The following KLF9 variants were observed in gnomAD, a reference collection of about 807,000 sequenced individuals.
KLF9 encodes the protein KLF transcription factor 9.
In KLF9, 2 loss-of-function variants were observed where a neutral mutation model predicts 17.3. That is an observed-to-expected ratio of 0.12 (90% CI 0.05 to 0.36). KLF9 has a LOEUF of 0.36. Among genes scored for constraint, KLF9 ranks in the 10% least tolerant of loss-of-function variants. KLF9 has a pLI of 1.00. For synonymous variants in KLF9, 138 were observed against 139.2 expected (o/e 0.99, Z 0.06); for missense variants, 226 against 333.2 (o/e 0.68, Z 2.51).
Position 70,413,873 on chromosome 9 carries a change from A to T in KLF9, c.-510T>A, listed in dbSNP as rs953061733. On this transcript the variant is annotated 5_prime_UTR_variant, in exon 1 of 2. Coordinates refer to ENST00000377126, the MANE Select transcript of KLF9 (RefSeq NM_001206.4). The surrounding 1 kb of genome is among the most constrained non-coding windows in gnomAD (Gnocchi z 5.6). ...GGTCCCGCCGAGCGCCAGGTCTAAG[A>T]GACACTTTTTCCCGAGTCCACTGAC... The T allele has an allele frequency of 6.5e-6, 1 of 152,678 alleles. No individual in the cohort carries two copies. The highest frequency in any genetic ancestry group is 1.9e-4 in the East Asian group (1 of 5,162). 9.5% of individuals were successfully genotyped at this position (152,678 alleles called of 1,614,324 possible).
Position 70,387,457 on chromosome 9 carries a change from C to CCCCCCAAAA in KLF9, c.*318_*319insTTTTGGGGG. ...CCCACCCACTCCCTACCCTCCCCCG[C>CCCCCCAAAA]AAAAAAATAAAAGGAGAAAAAAAAA... On this transcript the variant is annotated 3_prime_UTR_variant, in exon 2 of 2. Coordinates refer to ENST00000377126, the MANE Select transcript of KLF9 (RefSeq NM_001206.4). 1.8e-5 allele frequency: 3 copies of CCCCCCAAAA among 170,194 alleles called. No homozygotes were observed. Among genetic ancestry groups the CCCCCCAAAA allele is most frequent in the South Asian group, 2.5e-4 (2 of 7,960 alleles). The allele number at this position is 170,194 out of a possible 1,614,324, so 10.5% of individuals were successfully genotyped here.
chr9:70,388,627 A>G (rs2037131085), intron 1 of KLF9, among the ~76,000 whole-genome samples: 1 of 152,084 alleles, frequency 6.6e-6, no homozygotes, highest in African/African-American at 2.4e-5. Context: ...AAAAAAGCTG[A>G]GCCTTTTTGC....
At position 70,384,846 on chromosome 9, in the gene KLF9, A is replaced by AATCT. The variant is rs2037098673; in HGVS notation, c.*2926_*2929dup. The AATCT allele has an allele frequency of 6.5e-6, 1 of 152,756 alleles. No individual in the cohort carries two copies. The highest frequency in any genetic ancestry group is 2.1e-4 in the South Asian group (1 of 4,832). 9.5% of individuals were successfully genotyped at this position (152,756 alleles called of 1,614,324 possible). On this transcript the variant is annotated 3_prime_UTR_variant, in exon 2 of 2. Coordinates refer to ENST00000377126, the MANE Select transcript of KLF9 (RefSeq NM_001206.4). Reference sequence around the variant, plus strand: ...TATCCGAGTGATGAGTACTGTGCTAAATCTATCTGCAAACTGACAAACTAA... The same window carrying AATCT: ...TATCCGAGTGATGAGTACTGTGCTAAATCTATCTATCTGCAAACTGACAAACTAA...
rs2037113385 is a variant in KLF9 at position 70,386,820 on chromosome 9, G to A, written c.*956C>T. On this transcript the variant is annotated 3_prime_UTR_variant, in exon 2 of 2. Coordinates refer to ENST00000377126, the MANE Select transcript of KLF9 (RefSeq NM_001206.4). ...AAAACACTACCCTCCTTCTCCTTCA[G>A]CATCTGTTGTGTATATTCTGCCCTC... 1 of 152,326 alleles carries A rather than the reference G, an allele frequency of 6.6e-6. No homozygotes were observed. The allele number at this position is 152,326 out of a possible 1,614,324, so 9.4% of individuals were successfully genotyped here. A position where few individuals can be genotyped will look rare whatever the true frequency, so the allele number is the denominator to read the frequency against.
chr9:70,414,044 C>A lies in KLF9; in HGVS notation c.-681G>T, dbSNP rs1473130860. On this transcript the variant is annotated 5_prime_UTR_variant, in exon 1 of 2. Coordinates refer to ENST00000377126, the MANE Select transcript of KLF9 (RefSeq NM_001206.4). ...GTGATTCAACTCTGTTTACTTTCTC[C>A]CCCTGCCAGTCAGAACGGCCTTCGG... 1 of 152,564 alleles carries A rather than the reference C, an allele frequency of 6.6e-6. No homozygotes were observed. The highest frequency in any genetic ancestry group is 2.4e-5 in the African/African-American group (1 of 41,462). The allele number at this position is 152,564 out of a possible 1,614,324, so 9.5% of individuals were successfully genotyped here.
intron 1 of KLF9, among the ~76,000 whole-genome samples, chr9:70,396,803 AG>A (rs2037184473): frequency 6.6e-6 from 1 of 152,194 alleles, no homozygotes; most frequent in Non-Finnish European, 1.5e-5. Context: ...AGTCAGAAAA[AG>A]TTATTTTAAT....
At chr9:70,405,997 G>A (rs1345058720) in intron 1 of KLF9, among the ~76,000 whole-genome samples, 2 of 152,132 alleles carry the variant, frequency 1.3e-5, no homozygotes, top group African/African-American at 2.4e-5. Context: ...CATAAAAAGG[G>A]CATAGGCCAC....
intron 1 of KLF9, among the ~76,000 whole-genome samples, chr9:70,406,845 A>G (rs1193900926): frequency 1.3e-5 from 2 of 151,660 alleles, no homozygotes; most frequent in Admixed American, 6.6e-5. Flanking sequence ...ATGGCATGCT[A>G]CAAGCTTTTT....
At position 70,409,072 on chromosome 9, in the gene KLF9, GTATATATATACACATATATGTATA is replaced by G. The variant is rs2037282466; in HGVS notation, c.505+3763_505+3786del. Among the ~76,000 whole-genome samples the G allele has an allele frequency of 1.9e-5, 2 of 102,834 alleles. 1 individual carries two copies. The highest frequency in any genetic ancestry group is 4.1e-5 in the Non-Finnish European group (2 of 49,052). The allele number at this position is 102,834 out of a possible 152,430, so 67.5% of individuals were successfully genotyped here. A position where few individuals can be genotyped will look rare whatever the true frequency, so the allele number is the denominator to read the frequency against. On this transcript the variant is annotated intron_variant, in intron 1 of 1. Coordinates refer to ENST00000377126, the MANE Select transcript of KLF9 (RefSeq NM_001206.4). ...TATACATATATGTGTATATATATGT[GTATATATATACACATATATGTATA>G]TATATGTGTATATATATACATATAT...
chr9:70,399,162 T>C (rs963973322), intron 1 of KLF9, among the ~76,000 whole-genome samples: 15 of 152,210 alleles, frequency 9.9e-5, no homozygotes, highest in Non-Finnish European at 1.5e-4. Flanking sequence ...CTCAGTTATA[T>C]GGCCCTGCCT....
chr9:70,412,716 A>C (rs2037333256), intron 1 of KLF9, 143 bp downstream of exon 1: 1 of 818,854 alleles, frequency 1.2e-6, no homozygotes. Flanking sequence ...TGCACATTTA[A>C]ATTATTTAAA....
At chr9:70,395,943 T>C (rs1002933600) in intron 1 of KLF9, among the ~76,000 whole-genome samples, 1 of 151,830 alleles carries the variant, frequency 6.6e-6, no homozygotes, top group Non-Finnish European at 1.5e-5. Context: ...TCAAAATAAA[T>C]AAATAAATAA....
intron 1 of KLF9, among the ~76,000 whole-genome samples, chr9:70,392,252 T>G (rs139938798): frequency 2.2e-4 from 34 of 152,336 alleles, no homozygotes; most frequent in African/African-American, 7.9e-4. Flanking sequence ...AATTCAAATG[T>G]CTTCAGGAGC....
intron 1 of KLF9, among the ~76,000 whole-genome samples, chr9:70,389,415 A>T (rs539917117): frequency 6.6e-6 from 1 of 152,170 alleles, no homozygotes; most frequent in Non-Finnish European, 1.5e-5. Flanking sequence ...CTCTGTACTC[A>T]GGGTCACATA....
chr9:70,408,118 A>G (rs2037269784), intron 1 of KLF9, among the ~76,000 whole-genome samples: 1 of 152,182 alleles, frequency 6.6e-6, no homozygotes, highest in Admixed American at 6.5e-5. Flanking sequence ...TCACACCTGT[A>G]ATCCCAGAAC....
At chr9:70,409,775 T>C (rs1404523926) in intron 1 of KLF9, among the ~76,000 whole-genome samples, 1 of 152,378 alleles carries the variant, frequency 6.6e-6, no homozygotes, top group East Asian at 1.9e-4. Flanking sequence ...ATGGATCCAC[T>C]GCTTAAACTT....
intron 1 of KLF9, among the ~76,000 whole-genome samples, chr9:70,388,554 CT>C (rs1159953324): frequency 1.3e-5 from 2 of 152,302 alleles, no homozygotes; most frequent in African/African-American, 4.8e-5. Flanking sequence ...TATGGGTCCC[CT>C]GGAAAGTATT....
intron 1 of KLF9, among the ~76,000 whole-genome samples, chr9:70,410,490 GAA>G (rs2037303850): frequency 6.6e-6 from 1 of 152,216 alleles, no homozygotes; most frequent in Non-Finnish European, 1.5e-5. Context: ...TGAATTAGAA[GAA>G]AATCTGTTTG....
At chr9:70,408,871 A>G (rs1274992547) in intron 1 of KLF9, among the ~76,000 whole-genome samples, 3 of 150,694 alleles carry the variant, frequency 2.0e-5, no homozygotes, top group Non-Finnish European at 4.4e-5. Flanking sequence ...CCTCACACCA[A>G]GTATGCCAAG....
Sources: allele counts gnomAD v4.1 joint callset (sites outside exome capture counted in the v4.1 genomes callset), GRCh38; gene constraint gnomAD v4.1.1; non-coding constraint Gnocchi (gnomAD v3.1); transcripts MANE v1.5; gene names NCBI Gene and HGNC (gene_info 2026-07-23, HGNC 2026-07-21).